The following TAS2R1 variants were observed in gnomAD, a reference collection of about 807,000 sequenced individuals.
TAS2R1 encodes the protein taste 2 receptor member 1.
For missense variants in TAS2R1, 370 were observed against 353.4 expected, an observed-to-expected ratio of 1.05 and a Z score of -0.38; for synonymous variants, 141 against 134.2, an observed-to-expected ratio of 1.05 and a Z score of -0.35.
intron 1 of TAS2R1, among the ~76,000 whole-genome samples, chr5:9,665,365 CA>C (rs1372714915): frequency 2.0e-5 from 3 of 152,224 alleles, no homozygotes; most frequent in African/African-American, 4.8e-5. Context: ...ATTACATCTA[CA>C]AAGTCTCTTT....
intron 1 of TAS2R1, among the ~76,000 whole-genome samples, chr5:9,693,524 CAAAAAAAAA>C (rs35262775): frequency 1.8e-4 from 6 of 33,026 alleles, no homozygotes; most frequent in Non-Finnish European, 2.4e-4. Context: ...AACTCCATCT[CAAAAAAAAA>C]AAAAAAAAAA....
the TAS2R1 span, among the ~76,000 whole-genome samples, chr5:9,786,610 A>G: frequency 4.6e-5 from 7 of 152,236 alleles, no homozygotes; most frequent in Non-Finnish European, 7.3e-5. Context: ...AATTGATTTA[A>G]TTAGTATAGG....
At chr5:9,723,290 T>G in the TAS2R1 span, among the ~76,000 whole-genome samples, 3 of 152,226 alleles carry the variant, frequency 2.0e-5, no homozygotes, top group African/African-American at 7.2e-5. Flanking sequence ...GCCTAGATTC[T>G]ACCACTTCAT....
At chr5:9,728,468 T>C in the TAS2R1 span, among the ~76,000 whole-genome samples, 23 of 152,344 alleles carry the variant, frequency 1.5e-4, no homozygotes, top group South Asian at 1.0e-3. Flanking sequence ...ACCGCCACCA[T>C]GTAACTTGTG....
At chr5:9,804,308 A>T in the TAS2R1 span, among the ~76,000 whole-genome samples, 14 of 152,212 alleles carry the variant, frequency 9.2e-5, no homozygotes, top group South Asian at 2.9e-3. Context: ...GGACTTTAAT[A>T]CTCCACTGAC....
At chr5:9,846,830 C>CCAAGTTAGTGAG in the TAS2R1 span, among the ~76,000 whole-genome samples, 1 of 152,204 alleles carries the variant, frequency 6.6e-6, no homozygotes, top group Non-Finnish European at 1.5e-5. Flanking sequence ...CAAGCCCACA[C>CCAAGTTAGTGAG]TTTTCTAACT....
the TAS2R1 span, among the ~76,000 whole-genome samples, chr5:9,883,182 G>A: frequency 5.9e-5 from 9 of 152,078 alleles, no homozygotes; most frequent in African/African-American, 1.4e-4. Context: ...CAATGAGAAC[G>A]TGTGGGCACA....
the TAS2R1 span, among the ~76,000 whole-genome samples, chr5:9,860,388 C>T: frequency 2.3e-3 from 344 of 152,340 alleles, 2 homozygotes; most frequent in Non-Finnish European, 2.6e-3. Context: ...ATCTCCCTCC[C>T]CAGCTCAGGC....
chr5:9,765,757 T>C, the TAS2R1 span: 1 of 151,656 alleles, frequency 6.6e-6, no homozygotes, highest in African/African-American at 2.4e-5. Flanking sequence ...AATGCAAGAA[T>C]AAACGACCCA....
chr5:9,771,052 G>A, the TAS2R1 span, among the ~76,000 whole-genome samples: 1 of 152,132 alleles, frequency 6.6e-6, no homozygotes, highest in African/African-American at 2.4e-5. Context: ...GGCTTGCATT[G>A]TGTGTTGAGT....
At chr5:9,710,926 TATATATA>T (rs1455725329) in intron 1 of TAS2R1, among the ~76,000 whole-genome samples, 7 of 145,574 alleles carry the variant, frequency 4.8e-5, no homozygotes, top group African/African-American at 1.8e-4. Flanking sequence ...ATATATATTA[TATATATA>T]ATATATTATA....
At chr5:9,833,873 C>T in the TAS2R1 span, among the ~76,000 whole-genome samples, 1 of 152,176 alleles carries the variant, frequency 6.6e-6, no homozygotes, top group Non-Finnish European at 1.5e-5. Context: ...TCCTGCAAAC[C>T]AGTCCTTTTA....
At chr5:9,634,609 T>C (rs943764707), upstream of TAS2R1, among the ~76,000 whole-genome samples, 1 of 152,174 alleles carries the variant, frequency 6.6e-6, no homozygotes, top group African/African-American at 2.4e-5. Flanking sequence ...GTTTGTGTGA[T>C]AGATGATTTC....
chr5:9,901,708 G>A, the TAS2R1 span, among the ~76,000 whole-genome samples: 5 of 152,134 alleles, frequency 3.3e-5, no homozygotes, highest in African/African-American at 1.2e-4. Flanking sequence ...TTTCAACTGC[G>A]CAAGCATGAA....
chr5:9,823,516 G>A, the TAS2R1 span, among the ~76,000 whole-genome samples: 1 of 146,504 alleles, frequency 6.8e-6, no homozygotes, highest in Non-Finnish European at 1.5e-5. Flanking sequence ...GGGAAGGGAG[G>A]GAAGGGAAGG....
chr5:9,861,739 C>G, the TAS2R1 span, among the ~76,000 whole-genome samples: 1 of 152,156 alleles, frequency 6.6e-6, no homozygotes, highest in Non-Finnish European at 1.5e-5. Context: ...TACCCTCTCG[C>G]AGGACTTCTT....
the TAS2R1 span, among the ~76,000 whole-genome samples, chr5:9,890,506 T>C: frequency 6.6e-6 from 1 of 152,190 alleles, no homozygotes; most frequent in Non-Finnish European, 1.5e-5. Context: ...AACCCCATTA[T>C]ATATATCATT....
chr5:9,780,380 C>T, the TAS2R1 span, among the ~76,000 whole-genome samples: 1 of 152,330 alleles, frequency 6.6e-6, no homozygotes, highest in South Asian at 2.1e-4. Context: ...GTCACAAAAT[C>T]CAGAGGTCAA....
chr5:9,771,686 G>C, the TAS2R1 span, among the ~76,000 whole-genome samples: 2 of 151,916 alleles, frequency 1.3e-5, no homozygotes, highest in Non-Finnish European at 2.9e-5. Context: ...CTCCTATCTT[G>C]TTATTTGTTA....
Sources: allele counts gnomAD v4.1 joint callset (sites outside exome capture counted in the v4.1 genomes callset), GRCh38; gene constraint gnomAD v4.1.1; transcripts MANE v1.5; gene names NCBI Gene and HGNC (gene_info 2026-07-23, HGNC 2026-07-21).